KCNIP4: variants seen among roughly 807,000 people sequenced by gnomAD.
The protein encoded by KCNIP4 is potassium voltage-gated channel interacting protein 4.
In KCNIP4, 12 loss-of-function variants were observed where a neutral mutation model predicts 34.0. The observed-to-expected ratio is 0.35, with a 90% CI of 0.23 to 0.57. The LOEUF is 0.57. KCNIP4 is among the 20% of genes least tolerant of loss of function. KCNIP4 has a pLI of 0.83. For synonymous variants in KCNIP4, 124 were observed against 102.2 expected (o/e 1.21, Z -1.29); for missense variants, 238 against 311.7 (o/e 0.76, Z 1.78).
At chr4:21,605,068 G>A (rs994550422) in intron 1 of KCNIP4, among the ~76,000 whole-genome samples, 10 of 152,072 alleles carry the variant, frequency 6.6e-5, no homozygotes, top group African/African-American at 2.4e-4. Context: ...GGATTCTTGC[G>A]GGCTGGTCAC....
At chr4:21,598,643 C>T (rs956127596) in intron 1 of KCNIP4, among the ~76,000 whole-genome samples, 7 of 152,060 alleles carry the variant, frequency 4.6e-5, no homozygotes, top group African/African-American at 1.2e-4. Flanking sequence ...ACTATTTCAC[C>T]GTTTTCTTGC....
At chr4:21,385,761 CT>C (rs1377896313) in intron 1 of KCNIP4, among the ~76,000 whole-genome samples, 2 of 152,098 alleles carry the variant, frequency 1.3e-5, no homozygotes, top group Non-Finnish European at 2.9e-5. Flanking sequence ...GGGGCAGGTG[CT>C]GATGGAGCCA....
intron 1 of KCNIP4, among the ~76,000 whole-genome samples, chr4:21,827,697 C>T (rs894413437): frequency 4.6e-5 from 7 of 151,918 alleles, no homozygotes; most frequent in South Asian, 2.1e-4. Context: ...CAAGCAAATT[C>T]GCTGGTTTTG....
At chr4:21,028,194 T>A (rs1401653483) in intron 1 of KCNIP4, among the ~76,000 whole-genome samples, 1 of 152,092 alleles carries the variant, frequency 6.6e-6, no homozygotes, top group Non-Finnish European at 1.5e-5. Context: ...ACTGTCCTGA[T>A]CAGAGATGTC....
intron 1 of KCNIP4, among the ~76,000 whole-genome samples, chr4:21,378,845 T>C (rs1203303801): frequency 6.6e-6 from 1 of 152,150 alleles, no homozygotes. Flanking sequence ...AAGACACCTT[T>C]ATACATACTA....
intron 1 of KCNIP4, among the ~76,000 whole-genome samples, chr4:21,458,012 C>CT (rs923924934): frequency 5.8e-4 from 87 of 151,246 alleles, no homozygotes; most frequent in African/African-American, 1.9e-3. Context: ...TTTTTTTATA[C>CT]TTTAAGTTTT....
intron 1 of KCNIP4, among the ~76,000 whole-genome samples, chr4:21,779,867 G>T (rs1405064712): frequency 6.6e-6 from 1 of 151,632 alleles, no homozygotes; most frequent in African/African-American, 2.4e-5. Flanking sequence ...AGAGTTCAAG[G>T]CTGCAGTGAG....
intron 1 of KCNIP4, among the ~76,000 whole-genome samples, chr4:21,308,745 A>G (rs538403463): frequency 2.3e-4 from 35 of 151,232 alleles, no homozygotes; most frequent in African/African-American, 7.5e-4. Flanking sequence ...TGTGTAGCAG[A>G]TAAGTATGAA....
chr4:21,593,538 G>A (rs1031890121), intron 1 of KCNIP4, among the ~76,000 whole-genome samples: 4 of 151,918 alleles, frequency 2.6e-5, no homozygotes, highest in Admixed American at 6.6e-5. Context: ...GGCTCACCTC[G>A]TCCTCATAAA....
At chr4:21,211,276 T>C (rs1238981014) in intron 1 of KCNIP4, among the ~76,000 whole-genome samples, 1 of 152,186 alleles carries the variant, frequency 6.6e-6, no homozygotes, top group Non-Finnish European at 1.5e-5. Flanking sequence ...TTTATCTATA[T>C]GGAATAATTC....
At chr4:21,122,685 C>T (rs762103200) in intron 1 of KCNIP4, among the ~76,000 whole-genome samples, 23 of 151,930 alleles carry the variant, frequency 1.5e-4, no homozygotes, top group Non-Finnish European at 2.5e-4. Context: ...AAGCAGATGT[C>T]GAGAATGAGG....
chr4:21,062,788 A>T (rs1744037868), intron 1 of KCNIP4, among the ~76,000 whole-genome samples: 1 of 151,996 alleles, frequency 6.6e-6, no homozygotes, highest in African/African-American at 2.4e-5. Context: ...GGCAAGAACA[A>T]TTCCCCTTTA....
intron 1 of KCNIP4, among the ~76,000 whole-genome samples, chr4:21,619,410 G>A (rs774803545): frequency 1.3e-5 from 2 of 152,176 alleles, no homozygotes; most frequent in Non-Finnish European, 2.9e-5. Flanking sequence ...GAGTAAGAAA[G>A]ATGAATATTT....
chr4:21,911,033 T>A (rs1728277760), intron 1 of KCNIP4, among the ~76,000 whole-genome samples: 1 of 152,046 alleles, frequency 6.6e-6, no homozygotes, highest in Non-Finnish European at 1.5e-5. Context: ...TACAGTTTCT[T>A]TTTTTTTCTA....
At chr4:21,575,518 C>T (rs201571673) in intron 1 of KCNIP4, among the ~76,000 whole-genome samples, 2 of 152,100 alleles carry the variant, frequency 1.3e-5, no homozygotes, top group East Asian at 3.9e-4. Flanking sequence ...CTTCCCCTCC[C>T]CTTCTTCCTC....
intron 1 of KCNIP4, among the ~76,000 whole-genome samples, chr4:21,640,097 T>C (rs2109230323): frequency 6.6e-6 from 1 of 152,328 alleles, no homozygotes; most frequent in East Asian, 1.9e-4. Flanking sequence ...TAAGAATTAG[T>C]AGCATTCCCA....
At chr4:21,091,035 C>CT in intron 1 of KCNIP4, among the ~76,000 whole-genome samples, 1 of 152,270 alleles carries the variant, frequency 6.6e-6, no homozygotes, top group South Asian at 2.1e-4. Flanking sequence ...TCCTTGGGGG[C>CT]TTTTTGTTCA....
chr4:20,957,500 A>G (rs956446677), intron 1 of KCNIP4, among the ~76,000 whole-genome samples: 5 of 152,120 alleles, frequency 3.3e-5, no homozygotes, highest in East Asian at 1.9e-4. Context: ...AAGATCTTAT[A>G]TCTAGTATAT....
intron 1 of KCNIP4, among the ~76,000 whole-genome samples, chr4:20,922,588 C>T (rs918227685): frequency 2.0e-5 from 2 of 98,716 alleles, no homozygotes; most frequent in East Asian, 6.7e-4. Context: ...TATCTATCTC[C>T]TATTGGTTCT....
Sources: gnomAD v4.1 joint callset for allele counts (sites outside exome capture counted in the v4.1 genomes callset) on GRCh38, gnomAD v4.1.1 for gene constraint, MANE v1.5 for transcripts, NCBI Gene and HGNC (gene_info 2026-07-23, HGNC 2026-07-21) for gene names.